STX8: variants seen among roughly 807,000 people sequenced by gnomAD.
STX8 encodes the protein syntaxin 8, also known as syntaxin-8.
STX8 carries 23 observed loss-of-function variants against 37.5 expected under a neutral mutation model. The observed-to-expected ratio is 0.61, with a 90% CI of 0.44 to 0.87. The LOEUF (loss-of-function observed/expected upper bound fraction) is 0.87. Ranked by LOEUF, STX8 falls within the 40% of genes least tolerant of loss-of-function variation. The pLI, the probability that STX8 is intolerant of heterozygous loss-of-function variation, is 0.00. For missense variants in STX8, 313 were observed against 284.7 expected (o/e 1.10, Z -0.71); for synonymous variants, 115 against 99.1 (o/e 1.16, Z -0.95).
chr17:9,314,133 A>T (rs1296468584), intron 7 of STX8, among the ~76,000 whole-genome samples: 1 of 152,186 alleles, frequency 6.6e-6, no homozygotes, highest in Non-Finnish European at 1.5e-5. Context: ...TTTTCCCAGC[A>T]ACCAGTGTAA....
rs1904780414 is a variant in STX8, at chr17:9,505,227, A to C, written c.324-65T>G. ...TGCAGCTCAAATGCAAATTACTCCC[A>C]CAAGTGCAGAGGTGGCCAGCCTTGA... On this transcript the variant is annotated intron_variant, in intron 4 of 7. Transcript: ENST00000306357. The C allele has an allele frequency of 2.6e-6, 4 of 1,554,970 alleles. No homozygotes were observed. In the South Asian group the frequency reaches 4.8e-5, roughly 19 times the overall value.
chr17:9,399,187 T>G (rs1912515624), intron 6 of STX8, among the ~76,000 whole-genome samples: 1 of 152,064 alleles, frequency 6.6e-6, no homozygotes, highest in Non-Finnish European at 1.5e-5. Context: ...TATATATATA[T>G]CCACATGAAC....
rs1161609414 is a variant in STX8 at position 9,441,672 on chromosome 17, CTTTTTT to C, written c.541+50151_541+50156del. Among the ~76,000 whole-genome samples, 400 of 93,276 alleles carry C rather than the reference CTTTTTT, an allele frequency of 4.3e-3. 3 individuals carry two copies. Among genetic ancestry groups the C allele is most frequent in the African/African-American group, 0.014 (375 of 26,204 alleles). 61.2% of individuals were successfully genotyped at this position (93,276 alleles called of 152,430 possible). ...TCTCCATCTATGCTCAGCACCATGG[CTTTTTT>C]TTTTTTTTTTTTTTTTGAGACGGAG... On this transcript the variant is annotated intron_variant, in intron 6 of 7. Transcript: ENST00000306357.
At chr17:9,284,441 C>T (rs949382402) in intron 7 of STX8, among the ~76,000 whole-genome samples, 1 of 152,166 alleles carries the variant, frequency 6.6e-6, no homozygotes, top group Non-Finnish European at 1.5e-5. Context: ...ATTTTCTTCT[C>T]AATTCATACA....
intron 6 of STX8, among the ~76,000 whole-genome samples, chr17:9,472,726 C>T (rs1160197672): frequency 4.6e-5 from 7 of 152,210 alleles, no homozygotes; most frequent in African/African-American, 1.7e-4. Context: ...GAATGAAGTT[C>T]AGGGGAAAGG....
At chr17:9,496,605 C>G (rs1037937581) in intron 5 of STX8, among the ~76,000 whole-genome samples, 1 of 152,036 alleles carries the variant, frequency 6.6e-6, no homozygotes, top group Non-Finnish European at 1.5e-5. Context: ...TATCCTAATC[C>G]CCAGAAACTA....
chr17:9,362,642 C>T (rs2142261429), intron 7 of STX8, among the ~76,000 whole-genome samples: 1 of 151,908 alleles, frequency 6.6e-6, no homozygotes, highest in East Asian at 1.9e-4. Flanking sequence ...CATGGTGAAA[C>T]CCCGTCTCTA....
At chr17:9,308,139 G>A (rs920996109) in intron 7 of STX8, among the ~76,000 whole-genome samples, 19 of 152,238 alleles carry the variant, frequency 1.2e-4, no homozygotes, top group African/African-American at 3.9e-4. Flanking sequence ...GGACAGCCAT[G>A]TAGAAATGTG....
At chr17:9,403,248 A>T (rs1206920521) in intron 6 of STX8, among the ~76,000 whole-genome samples, 2 of 152,202 alleles carry the variant, frequency 1.3e-5, no homozygotes, top group Admixed American at 1.3e-4. Context: ...GGTATGGGGG[A>T]CTGGTGGTGA....
chr17:9,459,584 C>T (rs760847371), intron 6 of STX8, among the ~76,000 whole-genome samples: 10 of 152,174 alleles, frequency 6.6e-5, no homozygotes, highest in Non-Finnish European at 1.2e-4. Context: ...GGCATGATCT[C>T]GGCTCACTGC....
chr17:9,449,146 G>A (rs1904953667), intron 6 of STX8, among the ~76,000 whole-genome samples: 1 of 152,064 alleles, frequency 6.6e-6, no homozygotes, highest in South Asian at 2.1e-4. Flanking sequence ...CTCCTAGGCA[G>A]GATTACCCAA....
intron 5 of STX8, among the ~76,000 whole-genome samples, chr17:9,500,711 A>G (rs901653942): frequency 9.9e-5 from 15 of 152,182 alleles, no homozygotes; most frequent in African/African-American, 3.4e-4. Flanking sequence ...CTTAGAATAA[A>G]AGATATGAAG....
At chr17:9,439,426 A>G (rs1210321981) in intron 6 of STX8, among the ~76,000 whole-genome samples, 1 of 152,198 alleles carries the variant, frequency 6.6e-6, no homozygotes, top group East Asian at 1.9e-4. Flanking sequence ...AAACAATTAA[A>G]AAATTGATAT....
chr17:9,268,491 T>C (rs949048807), intron 7 of STX8, among the ~76,000 whole-genome samples: 5 of 152,194 alleles, frequency 3.3e-5, no homozygotes, highest in Non-Finnish European at 7.3e-5. Flanking sequence ...TGCAAGAGCC[T>C]GTCCTTCATC....
At chr17:9,302,091 ACTC>A (rs1189609543) in intron 7 of STX8, among the ~76,000 whole-genome samples, 4 of 151,608 alleles carry the variant, frequency 2.6e-5, no homozygotes, top group South Asian at 2.1e-4. Flanking sequence ...TTCTTTGTAC[ACTC>A]CTCCTGTTTC....
chr17:9,526,108 C>G (rs1160291089), intron 4 of STX8, among the ~76,000 whole-genome samples: 1 of 152,064 alleles, frequency 6.6e-6, no homozygotes, highest in Non-Finnish European at 1.5e-5. Context: ...GTATTCAAAG[C>G]CAGTGGGAAA....
intron 4 of STX8, among the ~76,000 whole-genome samples, chr17:9,505,557 C>A (rs1209894568): frequency 6.6e-6 from 1 of 152,084 alleles, no homozygotes; most frequent in Admixed American, 6.5e-5. Context: ...CCCAAAGGTA[C>A]AAATATTATT....
rs1904796991 is a variant in STX8, at chr17:9,505,698, T to TG, written c.324-537dup. Among the ~76,000 whole-genome samples, 6 of 152,274 alleles carry TG rather than the reference T, an allele frequency of 3.9e-5. No individual in the cohort carries two copies. The South Asian group carries it at 1.2e-3, about 32-fold the overall frequency. ...GCTCATGTGTGTAATCCCAGCCCTC[T>TG]GGGAGGCTGAGGCGGGCAGATCACC... On this transcript the variant is annotated intron_variant, in intron 4 of 7. Transcript: ENST00000306357.
chr17:9,529,753 A>G (rs1168149991), intron 4 of STX8, among the ~76,000 whole-genome samples: 1 of 152,196 alleles, frequency 6.6e-6, no homozygotes, highest in Non-Finnish European at 1.5e-5. Context: ...GTGTGACATC[A>G]TTGTATGAAT....
Sources: allele counts gnomAD v4.1 joint callset (sites outside exome capture counted in the v4.1 genomes callset), GRCh38; gene constraint gnomAD v4.1.1; transcripts MANE v1.5; gene names NCBI Gene and HGNC (gene_info 2026-07-23, HGNC 2026-07-21).